The following ETV1 variants were observed in gnomAD, a reference collection of about 807,000 sequenced individuals.
ETV1 encodes ETS variant transcription factor 1.
In ETV1, 27 loss-of-function variants were observed where a neutral mutation model predicts 62.3. The observed-to-expected ratio is 0.43, with a 90% CI of 0.32 to 0.60. ETV1 has a LOEUF of 0.60. Among genes scored for constraint, ETV1 ranks in the 20% least tolerant of loss-of-function variants. The pLI, the probability that ETV1 is intolerant of heterozygous loss-of-function variation, is 0.06. For missense variants in ETV1, 605 were observed against 605.8 expected, an observed-to-expected ratio of 1.00 and a Z score of 0.01; for synonymous variants, 222 against 199.6, an observed-to-expected ratio of 1.11 and a Z score of -0.94.
chr7:13,924,945 C>G (rs1306409408), intron 9 of ETV1, among the ~76,000 whole-genome samples: 1 of 152,104 alleles, frequency 6.6e-6, no homozygotes, highest in Non-Finnish European at 1.5e-5. Flanking sequence ...GAGTTACGTG[C>G]CTCCAAATTG....
At chr7:13,953,944 T>C (rs1186748706) in intron 6 of ETV1, among the ~76,000 whole-genome samples, 1 of 152,192 alleles carries the variant, frequency 6.6e-6, no homozygotes. Context: ...TGATCTTTAA[T>C]TTTCCTTTTT....
Position 13,895,623 on chromosome 7 carries a change from C to T in ETV1, c.*243G>A, listed in dbSNP as rs1031732342. The T allele has an allele frequency of 6.3e-6, 3 of 478,702 alleles. No homozygotes were observed. Among genetic ancestry groups the T allele is most frequent in the African/African-American group, 3.8e-5 (2 of 52,336 alleles). 29.7% of individuals were successfully genotyped at this position (478,702 alleles called of 1,614,324 possible). A position where few individuals can be genotyped will look rare whatever the true frequency, so the allele number is the denominator to read the frequency against. ...AAAAAGTAATCCCCAAATCCCTCTG[C>T]CCATTCACCCATTAGCTTCCTGTTA... On this transcript the variant is annotated 3_prime_UTR_variant, in exon 14 of 14. Transcript: ENST00000430479.
intron 8 of ETV1, among the ~76,000 whole-genome samples, chr7:13,933,929 T>G (rs1166696026): frequency 1.3e-5 from 2 of 152,216 alleles, no homozygotes; most frequent in Non-Finnish European, 2.9e-5. Flanking sequence ...CACTGCTTAT[T>G]CAGCAGGCAC....
chr7:13,947,924 A>G (rs1207443586), intron 6 of ETV1, among the ~76,000 whole-genome samples: 1 of 152,162 alleles, frequency 6.6e-6, no homozygotes, highest in Non-Finnish European at 1.5e-5. Context: ...AAATTCCCTA[A>G]TAAAGACATT....
chr7:13,902,043 C>A (rs1451973725), intron 12 of ETV1, among the ~76,000 whole-genome samples: 1 of 152,110 alleles, frequency 6.6e-6, no homozygotes, highest in African/African-American at 2.4e-5. Flanking sequence ...CCTACCCCAG[C>A]TAAAGTCACT....
chr7:13,939,116 C>T lies in ETV1; in HGVS notation c.365+1G>A. On this transcript the variant is annotated splice_donor_variant, in intron 7 of 13. Transcript: ENST00000430479. LOFTEE classifies it high-confidence loss of function. ...TACATACATACACCTGGTGGCTTTA[C>T]CTGACATTGTACAGGCACTTTTCTC... 6.2e-7 allele frequency: 1 copy of T among 1,612,070 alleles called. No individual in the cohort carries two copies. Among genetic ancestry groups the T allele is most frequent in the Non-Finnish European group, 8.5e-7 (1 of 1,179,344 alleles).
At chr7:13,907,188 G>A (rs952688151) in intron 11 of ETV1, among the ~76,000 whole-genome samples, 3 of 152,084 alleles carry the variant, frequency 2.0e-5, no homozygotes, top group Non-Finnish European at 2.9e-5. Flanking sequence ...AATCTTGTGG[G>A]TAATTCAGGG....
chr7:13,959,926 C>A (rs1335511938), intron 6 of ETV1, among the ~76,000 whole-genome samples: 3 of 143,206 alleles, frequency 2.1e-5, no homozygotes, highest in African/African-American at 2.5e-5. Flanking sequence ...TTCTCTGGAA[C>A]CTTTTTTTTT....
chr7:13,915,876 T>A (rs1784102137), intron 9 of ETV1, among the ~76,000 whole-genome samples: 1 of 152,146 alleles, frequency 6.6e-6, no homozygotes, highest in Admixed American at 6.6e-5. Flanking sequence ...AGCAAAAAAG[T>A]CAAGTTTTAT....
chr7:13,894,131 T>A lies in ETV1; in HGVS notation c.*1735A>T, dbSNP rs1781575828. The A allele has an allele frequency of 4.3e-6, 1 of 232,094 alleles. No homozygotes were observed. The highest frequency in any genetic ancestry group is 1.8e-4 in the South Asian group (1 of 5,508). 14.4% of individuals were successfully genotyped at this position (232,094 alleles called of 1,614,324 possible). A position where few individuals can be genotyped will look rare whatever the true frequency, so the allele number is the denominator to read the frequency against. ...CATCACGAAATGCTTTTACAATAGG[T>A]TTATTTTGACTTTGTGTTTAGAATT... is the stretch of plus-strand genomic sequence containing the variant. On this transcript the variant is annotated 3_prime_UTR_variant, in exon 14 of 14. Transcript: ENST00000430479.
intron 8 of ETV1, among the ~76,000 whole-genome samples, chr7:13,935,098 A>G (rs1317400531): frequency 6.6e-6 from 1 of 152,206 alleles, no homozygotes; most frequent in Non-Finnish European, 1.5e-5. Flanking sequence ...CTAACGCAGT[A>G]TTCTCCTTAG....
intron 6 of ETV1, among the ~76,000 whole-genome samples, chr7:13,951,050 A>G (rs1472427323): frequency 6.6e-6 from 1 of 151,936 alleles, no homozygotes; most frequent in African/African-American, 2.4e-5. Context: ...CCTATATGCC[A>G]CAGTCCCACA....
At chr7:13,986,310 G>A (rs1394498132) in intron 5 of ETV1, 5 of 1,501,922 alleles carry the variant, frequency 3.3e-6, no homozygotes, top group Non-Finnish European at 4.4e-6. Flanking sequence ...GGTCTCTGGA[G>A]GTACAATAAT....
intron 9 of ETV1, among the ~76,000 whole-genome samples, chr7:13,912,044 G>C (rs1783618556): frequency 6.6e-6 from 1 of 152,206 alleles, no homozygotes; most frequent in Admixed American, 6.5e-5. Flanking sequence ...CATCAGCTCA[G>C]CAGCTGCTTT....
At chr7:13,952,922 A>G (rs1342700860) in intron 6 of ETV1, among the ~76,000 whole-genome samples, 1 of 152,212 alleles carries the variant, frequency 6.6e-6, no homozygotes, top group African/African-American at 2.4e-5. Context: ...AATGATCCTC[A>G]TCTTCACAGT....
chr7:13,934,201 G>T (rs1173141409), intron 8 of ETV1, among the ~76,000 whole-genome samples: 1 of 152,140 alleles, frequency 6.6e-6, no homozygotes, highest in East Asian at 1.9e-4. Flanking sequence ...ATTGCACTCT[G>T]ACAAAGTCTC....
At chr7:13,990,427 G>C (rs1402535921), upstream of ETV1, 3 of 152,264 alleles carry the variant, frequency 2.0e-5, no homozygotes, top group Non-Finnish European at 4.4e-5. Flanking sequence ...ACTGGGAAAA[G>C]GTACTTCCAG....
At chr7:13,905,794 A>G (rs1054714400) in intron 12 of ETV1, among the ~76,000 whole-genome samples, 12 of 152,078 alleles carry the variant, frequency 7.9e-5, no homozygotes, top group African/African-American at 2.7e-4. Context: ...CTTCCAATGG[A>G]GTATGCCAGT....
chr7:13,987,369 A>G (rs1782642261), intron 4 of ETV1, among the ~76,000 whole-genome samples: 1 of 152,162 alleles, frequency 6.6e-6, no homozygotes, highest in African/African-American at 2.4e-5. Context: ...AATTCAGTAT[A>G]TCTAATTAAA....
Sources: allele counts gnomAD v4.1 joint callset (sites outside exome capture counted in the v4.1 genomes callset), GRCh38; gene constraint gnomAD v4.1.1; transcripts MANE v1.5; gene names NCBI Gene and HGNC (gene_info 2026-07-23, HGNC 2026-07-21).